Variants in DLG2 observed in about 807,000 individuals in gnomAD.
The protein encoded by DLG2 is discs large MAGUK scaffold protein 2, also known as disks large homolog 2.
DLG2 carries 45 observed loss-of-function variants against 132.5 expected under a neutral mutation model. That is an observed-to-expected ratio of 0.34 (90% CI 0.27 to 0.44). DLG2 has a LOEUF of 0.44. Among genes scored for constraint, DLG2 ranks in the 20% least tolerant of loss-of-function variants. The pLI is 1.00. For missense variants in DLG2, 1,045 were observed against 1,196.9 expected (o/e 0.87, Z 1.87); for synonymous variants, 424 against 419.6 (o/e 1.01, Z -0.13).
rs180841085 is a variant in DLG2 at position 85,468,218 on chromosome 11, C to T, written c.40+130439G>A. Among the ~76,000 whole-genome samples, 21 of 151,300 alleles carry T rather than the reference C, an allele frequency of 1.4e-4. 1 individual carries two copies. Among genetic ancestry groups the T allele is most frequent in the African/African-American group, 4.1e-4 (17 of 41,220 alleles). On this transcript the variant is annotated intron_variant, in intron 3 of 27. Coordinates refer to ENST00000376104, the MANE Select transcript of DLG2 (RefSeq NM_001142699.3). The stretch of plus-strand genomic sequence containing the variant: ...CTTCTCTCCTTTCTTCTTTATTAGT[C>T]TTGCTAGCAGGCTATCAATTTTGTT...
chr11:84,967,913 TCC>T (rs1410691258), intron 6 of DLG2, among the ~76,000 whole-genome samples: 10 of 152,088 alleles, frequency 6.6e-5, no homozygotes, highest in Admixed American at 1.3e-4. Context: ...TTCTAAAAGG[TCC>T]TGTTCTTCAG....
intron 8 of DLG2, among the ~76,000 whole-genome samples, chr11:84,244,837 GA>G (rs1262612155): frequency 6.6e-6 from 1 of 152,170 alleles, no homozygotes; most frequent in Non-Finnish European, 1.5e-5. Flanking sequence ...TCACTGCCAG[GA>G]TGGTTCAAAG....
At chr11:84,794,149 T>C (rs1484470278) in intron 6 of DLG2, among the ~76,000 whole-genome samples, 1 of 152,222 alleles carries the variant, frequency 6.6e-6, no homozygotes, top group East Asian at 1.9e-4. Context: ...ACTGATTACA[T>C]AAACAAACTA....
chr11:84,292,050 G>A (rs1434989780), intron 7 of DLG2, among the ~76,000 whole-genome samples: 1 of 152,118 alleles, frequency 6.6e-6, no homozygotes, highest in Non-Finnish European at 1.5e-5. Flanking sequence ...TTGACATCAT[G>A]ACGGAATGAC....
At chr11:84,698,879 T>C (rs890388806) in intron 6 of DLG2, among the ~76,000 whole-genome samples, 2 of 151,624 alleles carry the variant, frequency 1.3e-5, no homozygotes, top group African/African-American at 4.8e-5. Context: ...GTTATTCAAA[T>C]GTTTAAAAAT....
At chr11:84,209,893 G>A (rs2096728667) in intron 8 of DLG2, among the ~76,000 whole-genome samples, 1 of 152,196 alleles carries the variant, frequency 6.6e-6, no homozygotes, top group African/African-American at 2.4e-5. Flanking sequence ...GTACCAAAAT[G>A]TTGGGCAGGT....
chr11:84,009,747 G>A (rs1566022427), intron 11 of DLG2, among the ~76,000 whole-genome samples: 1 of 151,828 alleles, frequency 6.6e-6, no homozygotes, highest in Non-Finnish European at 1.5e-5. Context: ...AATAATGATT[G>A]TTTTTATTAT....
At chr11:85,095,189 T>TATA (rs1053382546) in intron 6 of DLG2, among the ~76,000 whole-genome samples, 3 of 152,128 alleles carry the variant, frequency 2.0e-5, no homozygotes, top group African/African-American at 7.2e-5. Flanking sequence ...CCGTAACAGA[T>TATA]ATAATAATAA....
At chr11:84,817,575 T>G (rs967463850) in intron 6 of DLG2, among the ~76,000 whole-genome samples, 2 of 151,942 alleles carry the variant, frequency 1.3e-5, no homozygotes, top group African/African-American at 4.8e-5. Flanking sequence ...GAATACTAGT[T>G]GACAAAGAAG....
chr11:85,004,793 C>A (rs1489473306), intron 6 of DLG2, among the ~76,000 whole-genome samples: 2 of 152,130 alleles, frequency 1.3e-5, no homozygotes, highest in Non-Finnish European at 2.9e-5. Context: ...GTCATGAAAT[C>A]TTTGCCCATG....
At chr11:84,331,146 T>C (rs144276114) in intron 7 of DLG2, among the ~76,000 whole-genome samples, 3 of 152,308 alleles carry the variant, frequency 2.0e-5, no homozygotes, top group African/African-American at 4.8e-5. Context: ...TGAATTTATG[T>C]ATACTCCATT....
chr11:84,512,506 A>G (rs1591276756), intron 7 of DLG2, among the ~76,000 whole-genome samples: 1 of 152,164 alleles, frequency 6.6e-6, no homozygotes, highest in African/African-American at 2.4e-5. Context: ...TTTGAACAAG[A>G]GTTGTTTCTC....
intron 11 of DLG2, among the ~76,000 whole-genome samples, chr11:84,050,375 T>A (rs1057303277): frequency 6.6e-6 from 1 of 151,954 alleles, no homozygotes; most frequent in Non-Finnish European, 1.5e-5. Context: ...GGTTGTTTTT[T>A]TCTTGTAAAT....
Position 83,850,160 on chromosome 11 carries a change from G to GTTTT in DLG2, c.1566-16394_1566-16391dup, listed in dbSNP as rs145688257. 7.0e-4 allele frequency among the ~76,000 whole-genome samples: 87 copies of GTTTT among 124,370 alleles called. 3 individuals carry two copies. Among genetic ancestry groups the GTTTT allele is most frequent in the African/African-American group, 2.5e-3 (70 of 27,716 alleles). 81.6% of individuals were successfully genotyped at this position (124,370 alleles called of 152,430 possible). A position where few individuals can be genotyped will look rare whatever the true frequency, so the allele number is the denominator to read the frequency against. ...TGTGTGTGTGTGTGTGTGTGTGTGT[G>GTTTT]TTTTTTTACTTGAGACGGAGTCTCA... On this transcript the variant is annotated intron_variant, in intron 16 of 27. Transcript: ENST00000376104.
At chr11:85,612,686 GA>G (rs2081086668) in intron 2 of DLG2, among the ~76,000 whole-genome samples, 1 of 152,138 alleles carries the variant, frequency 6.6e-6, no homozygotes, top group African/African-American at 2.4e-5. Context: ...CTAATCTTAT[GA>G]AAATCAGACC....
intron 3 of DLG2, among the ~76,000 whole-genome samples, chr11:85,532,753 A>G (rs1473177802): frequency 6.6e-6 from 1 of 152,200 alleles, no homozygotes; most frequent in Admixed American, 6.5e-5. Context: ...TATACTAATG[A>G]TCTGCCCATA....
chr11:84,768,697 A>G (rs2068790294), intron 6 of DLG2, among the ~76,000 whole-genome samples: 1 of 152,106 alleles, frequency 6.6e-6, no homozygotes, highest in Non-Finnish European at 1.5e-5. Flanking sequence ...AGGACAAATT[A>G]TAAACGACTG....
chr11:83,770,095 A>G (rs960027936), intron 18 of DLG2, among the ~76,000 whole-genome samples: 7 of 105,450 alleles, frequency 6.6e-5, no homozygotes, highest in African/African-American at 1.9e-4. Context: ...TTCCAACTAA[A>G]TTATCACCAG....
intron 3 of DLG2, among the ~76,000 whole-genome samples, chr11:85,396,224 G>C (rs2087350527): frequency 6.6e-6 from 1 of 152,116 alleles, no homozygotes; most frequent in Non-Finnish European, 1.5e-5. Flanking sequence ...GAAAGGAATA[G>C]CATCAACAAC....
Sources: gnomAD v4.1 joint callset for allele counts (sites outside exome capture counted in the v4.1 genomes callset) on GRCh38, gnomAD v4.1.1 for gene constraint, MANE v1.5 for transcripts, NCBI Gene and HGNC (gene_info 2026-07-23, HGNC 2026-07-21) for gene names.